Variants in PHEX observed in about 807,000 individuals in gnomAD.
PHEX encodes the protein phosphate-regulating neutral endopeptidase PHEX.
In PHEX, 16 loss-of-function variants were observed where a neutral mutation model predicts 68.0. That is an observed-to-expected ratio of 0.24 (90% confidence interval 0.16 to 0.36). The LOEUF is 0.36. Ranked by LOEUF, PHEX falls within the 10% of genes least tolerant of loss-of-function variation. PHEX has a pLI of 1.00. For missense variants in PHEX, 480 were observed against 575.5 expected (o/e 0.83, Z 1.70); for synonymous variants, 208 against 205.1 (o/e 1.01, Z -0.12).
At chrX:22,138,102 C>T (rs1021044652) in intron 12 of PHEX, among the ~76,000 whole-genome samples, 1 of 112,581 alleles carries the variant, frequency 8.9e-6, no homozygotes, top group African/African-American at 3.2e-5. Flanking sequence ...TTTCTCCTAC[C>T]AGTGTTTCTT....
rs1297714841 is a variant in PHEX at position 22,250,902 on chromosome X, G to GT, written c.*2950dup. ...GACAGATTATGCTTGTGCCAGAGAA[G>GT]TGGAGAAGCCTGAAATCCCTTGTCA... On this transcript the variant is annotated 3_prime_UTR_variant, in exon 22 of 22. Transcript: ENST00000379374. 7 of 112,182 alleles carry GT rather than the reference G, an allele frequency of 6.2e-5. No homozygotes were observed. Among genetic ancestry groups the GT allele is most frequent in the African/African-American group, 1.6e-4 (5 of 30,896 alleles). 9.2% of individuals were successfully genotyped at this position (112,182 alleles called of 1,213,427 possible). A position where few individuals can be genotyped will look rare whatever the true frequency, so the allele number is the denominator to read the frequency against.
chrX:22,236,024 C>T (rs1450152311), intron 20 of PHEX, among the ~76,000 whole-genome samples: 1 of 111,803 alleles, frequency 8.9e-6, no homozygotes, highest in African/African-American at 3.3e-5. Context: ...ACTAACTCCA[C>T]TGGGTGAGAA....
intron 9 of PHEX, among the ~76,000 whole-genome samples, chrX:22,104,964 T>C (rs1930612978): frequency 8.9e-6 from 1 of 112,627 alleles, no homozygotes; most frequent in Admixed American, 9.4e-5. Flanking sequence ...TCTTTAGTTT[T>C]ATTTTCATAT....
chrX:22,113,005 TTGTGTGTGTGTGTGTGTGTG>T (rs560422828), intron 10 of PHEX, among the ~76,000 whole-genome samples: 10,818 of 88,664 alleles, frequency 0.12, 1,418 homozygotes, highest in African/African-American at 0.39. Flanking sequence ...CAAGTAGGTT[TTGTGTGTGTGTGTGTGTGTG>T]TGTGTGTGTG....
At position 22,249,739 on chromosome X, in the gene PHEX, T is replaced by C. The variant is rs1197800723; in HGVS notation, c.*1786T>C. ...CAAGCAGTATTAGGTTGGAATTGTA[T>C]GTGTCTTTTCTCTGGAGGAAGCATT... is the stretch of plus-strand genomic sequence containing the variant. On this transcript the variant is annotated 3_prime_UTR_variant, in exon 22 of 22. Coordinates refer to ENST00000379374, the MANE Select transcript of PHEX (RefSeq NM_000444.6). 1 of 109,191 alleles carries C rather than the reference T, an allele frequency of 9.2e-6. No individual in the cohort carries two copies. Among genetic ancestry groups the C allele is most frequent in the Non-Finnish European group, 1.9e-5 (1 of 52,685 alleles). The allele number at this position is 109,191 out of a possible 1,213,427, so 9.0% of individuals were successfully genotyped here. A position where few individuals can be genotyped will look rare whatever the true frequency, so the allele number is the denominator to read the frequency against.
chrX:22,040,605 G>C (rs1927229750), intron 2 of PHEX, among the ~76,000 whole-genome samples: 1 of 112,132 alleles, frequency 8.9e-6, no homozygotes, highest in African/African-American at 3.2e-5. Context: ...ACCTTTGAAT[G>C]ATGAGGAGGG....
intron 3 of PHEX, among the ~76,000 whole-genome samples, chrX:22,074,798 G>A (rs942957328): frequency 2.7e-5 from 3 of 111,020 alleles, no homozygotes; most frequent in Admixed American, 9.6e-5. Context: ...GACCTGGCAC[G>A]GTGGCAGTGG....
chrX:22,207,707 A>G (rs896809341), intron 15 of PHEX, among the ~76,000 whole-genome samples: 1 of 111,738 alleles, frequency 8.9e-6, no homozygotes, highest in African/African-American at 3.2e-5. Context: ...TGTCACCGTT[A>G]AAAGCAAAAT....
At chrX:22,118,693 G>A (rs754795900) in intron 11 of PHEX, among the ~76,000 whole-genome samples, 32 of 111,112 alleles carry the variant, frequency 2.9e-4, no homozygotes, top group Non-Finnish European at 5.3e-4. Flanking sequence ...GGAGAGAGCA[G>A]TTCACATTGA....
chrX:22,203,229 T>C (rs1215682754), intron 15 of PHEX, among the ~76,000 whole-genome samples: 3 of 110,658 alleles, frequency 2.7e-5, no homozygotes, highest in Admixed American at 9.7e-5. Context: ...GTTCTCTTTG[T>C]TGCAGCCTAA....
chrX:22,123,171 T>C (rs1931563366), intron 11 of PHEX, among the ~76,000 whole-genome samples: 1 of 108,557 alleles, frequency 9.2e-6, no homozygotes, highest in Non-Finnish European at 1.9e-5. Context: ...GTATTTTTTG[T>C]AGAGATGGGG....
At chrX:22,229,410 C>T (rs1429725546) in intron 20 of PHEX, among the ~76,000 whole-genome samples, 1 of 111,768 alleles carries the variant, frequency 8.9e-6, no homozygotes, top group Non-Finnish European at 1.9e-5. Context: ...TCTGTTGTTT[C>T]CTGACTTTTT....
intron 3 of PHEX, among the ~76,000 whole-genome samples, chrX:22,054,301 ATT>A (rs1401149847): frequency 9.1e-6 from 1 of 110,118 alleles, no homozygotes; most frequent in African/African-American, 3.3e-5. Flanking sequence ...TGCCCAGCTA[ATT>A]TTTGTATTTT....
In PHEX at chrX:22,212,748, G is replaced by C. The variant is rs752607684; in HGVS notation, c.1646-156G>C. ...TACTTATTTCAAACTCAGTTGAATT[G>C]ATATCATTGAGACAGCTAGATCTCT... On this transcript the variant is annotated intron_variant, in intron 15 of 21. Transcript: ENST00000379374. Among the ~76,000 whole-genome samples, 5 of 112,246 alleles carry C rather than the reference G, an allele frequency of 4.5e-5. No individual in the cohort carries two copies. In the East Asian group the frequency reaches 8.4e-4, roughly 19 times the overall value.
intron 4 of PHEX, 73 bp downstream of exon 4, chrX:22,076,547 A>G: frequency 1.5e-6 from 1 of 684,394 alleles, no homozygotes; most frequent in Middle Eastern, 3.0e-4. Context: ...GTTTTAATAT[A>G]TTGTTTGAGG....
chrX:22,180,291 C>T (rs1933845440), intron 14 of PHEX, among the ~76,000 whole-genome samples: 1 of 110,909 alleles, frequency 9.0e-6, no homozygotes, highest in Non-Finnish European at 1.9e-5. Context: ...GTTCTCAGTC[C>T]ACCTTCAATT....
chrX:22,075,184 C>A (rs1929096084), intron 3 of PHEX, among the ~76,000 whole-genome samples: 1 of 109,418 alleles, frequency 9.1e-6, no homozygotes, highest in African/African-American at 3.3e-5. Context: ...TACTCACATC[C>A]AACCCAATTT....
At chrX:22,055,856 A>G (rs73635593) in intron 3 of PHEX, among the ~76,000 whole-genome samples, 15,092 of 111,581 alleles carry the variant, frequency 0.14, 1,768 homozygotes, top group African/African-American at 0.39. Flanking sequence ...CACCGCTCCC[A>G]GACAGGTTTT....
In PHEX at chrX:22,152,829, A is replaced by C. The variant is rs58028573; in HGVS notation, c.1405-15483A>C. Among the ~76,000 whole-genome samples, 651 of 111,730 alleles carry C rather than the reference A, an allele frequency of 5.8e-3. 5 individuals carry two copies. Among genetic ancestry groups the C allele is most frequent in the African/African-American group, 0.02 (627 of 30,699 alleles). On this transcript the variant is annotated intron_variant, in intron 12 of 21. Coordinates refer to ENST00000379374, the MANE Select transcript of PHEX (RefSeq NM_000444.6). ...CTAACACAGATGTGTGTATGTTTTAAAAAATATTTGATTGGTATACTTAGT... is the reference window on the plus strand; with the variant it reads ...CTAACACAGATGTGTGTATGTTTTACAAAATATTTGATTGGTATACTTAGT...
Sources: allele counts gnomAD v4.1 joint callset (sites outside exome capture counted in the v4.1 genomes callset), GRCh38; gene constraint gnomAD v4.1.1; transcripts MANE v1.5; gene names NCBI Gene and HGNC (gene_info 2026-07-23, HGNC 2026-07-21).